CD34: variants seen among roughly 807,000 people sequenced by gnomAD.
CD34 encodes hematopoietic progenitor cell antigen CD34.
Under a neutral mutation model 40.1 loss-of-function variants are expected in CD34, and 34 were observed. The observed-to-expected ratio is 0.85, with a 90% CI of 0.65 to 1.13. The LOEUF is 1.13. Among genes scored for constraint, CD34 ranks in the 50% most tolerant of loss-of-function variants. The probability of loss-of-function intolerance (pLI) is 0.00; values close to 1 mark genes in which losing one functional copy is unlikely to be tolerated. For synonymous variants in CD34, 209 were observed against 190.0 expected (o/e 1.10, Z -0.82); for missense variants, 426 against 466.9 (o/e 0.91, Z 0.81).
chr1:207,890,082 T>G, intron 4 of CD34: 1 of 1,242,574 alleles, frequency 8.0e-7, no homozygotes, highest in Non-Finnish European at 1.0e-6. Context: ...AGTGGAAACC[T>G]CAGTGGCCTC....
chr1:207,907,896 G>A (rs1662415351), intron 1 of CD34, among the ~76,000 whole-genome samples: 1 of 152,160 alleles, frequency 6.6e-6, no homozygotes, highest in Non-Finnish European at 1.5e-5. Context: ...GGGTGGTGTT[G>A]TGTTCTTTTT....
rs368736831 is a variant in CD34, at chr1:207,887,895, C to T, written c.1001G>A (p.Gly334Asp). 3.1e-6 allele frequency: 5 copies of T among 1,614,128 alleles called. No homozygotes were observed. Among genetic ancestry groups the T allele is most frequent in the African/African-American group, 2.7e-5 (2 of 75,016 alleles). The part of the protein sequence containing the change: ...LGEDPYYTEN[G>D]GGQGYSSGPG... ...TCCTGAGCTATAGCCCTGGCCTCCA[C>T]CGTTTTCCGTGTAATAAGGGTCTTC... The change falls in exon 8 of 8, where the codon GGT (glycine) becomes GAT (aspartate). Residue 334 changes from glycine to aspartate, a missense_variant. Physicochemically the swap from Gly to Asp is moderately conservative, Grantham distance 94. Coordinates refer to ENST00000310833, the MANE Select transcript of CD34 (RefSeq NM_001025109.2).
Position 207,903,364 on chromosome 1 carries a change from C to T in CD34, c.80-3361G>A, listed in dbSNP as rs573689109. 2.0e-5 allele frequency among the ~76,000 whole-genome samples: 3 copies of T among 152,272 alleles called. No homozygotes were observed. In the East Asian group the frequency reaches 5.8e-4, roughly 29 times the overall value. ...CCAGTCAGTGAGAGCTTGTCACATC[C>T]TAAGAGACAATTGATGAAACCTCCA... On this transcript the variant is annotated intron_variant, in intron 1 of 7. Transcript: ENST00000310833.
intron 1 of CD34, among the ~76,000 whole-genome samples, chr1:207,909,427 GAGA>G (rs1415758146): frequency 7.2e-5 from 11 of 152,116 alleles, no homozygotes; most frequent in South Asian, 2.1e-4. Flanking sequence ...TGTTTGTTTT[GAGA>G]AGGAGTCTCG....
In CD34 at chr1:207,882,881, C is replaced by T. The variant is rs1171763664; in HGVS notation, c.*4857G>A. The T allele has an allele frequency of 6.6e-6, 1 of 152,294 alleles. No individual in the cohort carries two copies. Among genetic ancestry groups the T allele is most frequent in the Middle Eastern group, 3.4e-3 (1 of 296 alleles). 9.4% of individuals were successfully genotyped at this position (152,294 alleles called of 1,614,324 possible). A position where few individuals can be genotyped will look rare whatever the true frequency, so the allele number is the denominator to read the frequency against. On this transcript the variant is annotated 3_prime_UTR_variant, in exon 8 of 8. Coordinates refer to ENST00000310833, the MANE Select transcript of CD34 (RefSeq NM_001025109.2). Reference sequence around the variant, plus strand: ...GCTTCCATGCCCCTCCCACTCAGAGCTTCCTATACCATAGCACTTACACTC... The same window carrying T: ...GCTTCCATGCCCCTCCCACTCAGAGTTTCCTATACCATAGCACTTACACTC...
rs138325853 is a variant in CD34 at position 207,909,556 on chromosome 1, G to A, written c.79+1446C>T. 2.8e-4 allele frequency among the ~76,000 whole-genome samples: 43 copies of A among 152,210 alleles called. 1 individual carries two copies. The East Asian group carries it at 8.1e-3, about 29-fold the overall frequency. ...CCCGAGTAGCTGGGACTATAGGGGT[G>A]TGCCACCATGCCCAGCTAATTTTTG... On this transcript the variant is annotated intron_variant, in intron 1 of 7. Transcript: ENST00000310833.
chr1:207,888,678 T>C lies in CD34; in HGVS notation c.972+4A>G, dbSNP rs755942827. 6.2e-7 allele frequency: 1 copy of C among 1,614,058 alleles called. No homozygotes were observed. The highest frequency in any genetic ancestry group is 8.5e-7 in the Non-Finnish European group (1 of 1,180,010). On this transcript the variant is annotated splice_donor_region_variant and intron_variant, in intron 7 of 7. Transcript: ENST00000310833. ...TTTCCTTTACCCTGGCCCCCAGAAC[T>C]GACCAGCCTTTCTCCTGTGGGGCTC... is the stretch of plus-strand genomic sequence containing the variant.
chr1:207,895,803 G>A (rs1433490656), intron 4 of CD34, among the ~76,000 whole-genome samples: 2 of 152,142 alleles, frequency 1.3e-5, no homozygotes, highest in African/African-American at 4.8e-5. Flanking sequence ...GGGTTGCAGG[G>A]GGAAAGATCG....
At position 207,884,653 on chromosome 1, in the gene CD34, G is replaced by A. The variant is rs1221716119; in HGVS notation, c.*3085C>T. The A allele has an allele frequency of 6.6e-6, 1 of 152,280 alleles. No individual in the cohort carries two copies. The highest frequency in any genetic ancestry group is 2.4e-5 in the African/African-American group (1 of 41,460). 9.4% of individuals were successfully genotyped at this position (152,280 alleles called of 1,614,324 possible). Reference sequence around the variant, plus strand: ...GAAGTGATCTATTTATCTGGACTTAGATGGTATTCCCATTTATCCATTCAG... The same window carrying A: ...GAAGTGATCTATTTATCTGGACTTAAATGGTATTCCCATTTATCCATTCAG... On this transcript the variant is annotated 3_prime_UTR_variant, in exon 8 of 8. Transcript: ENST00000310833.
Position 207,911,124 on chromosome 1 carries a change from C to T in CD34, c.-44G>A. 4 of 1,523,344 alleles carry T rather than the reference C, an allele frequency of 2.6e-6. No homozygotes were observed. The highest frequency in any genetic ancestry group is 3.5e-6 in the Non-Finnish European group (4 of 1,134,796). 94.4% of individuals were successfully genotyped at this position (1,523,344 alleles called of 1,614,324 possible). On this transcript the variant is annotated 5_prime_UTR_variant, in exon 1 of 8. The change creates a new upstream start codon in the 5' untranslated region. Coordinates refer to ENST00000310833, the MANE Select transcript of CD34 (RefSeq NM_001025109.2). ...AGAGAGACGCACCGAGTGGAAGACA[C>T]TACTCGGCTTGGCCAGGACGCGCTC...
rs1661928940 is a variant in CD34 at position 207,887,657 on chromosome 1, C to A, written c.*81G>T. On this transcript the variant is annotated 3_prime_UTR_variant, in exon 8 of 8. Transcript: ENST00000310833. ...GGGTTGGGCGTAAGAGATGTCACCTCCAGCATGGGGGTAGCACGTGGTCAG... is the reference window on the plus strand; with the variant it reads ...GGGTTGGGCGTAAGAGATGTCACCTACAGCATGGGGGTAGCACGTGGTCAG... 3.8e-6 allele frequency: 6 copies of A among 1,578,372 alleles called. No individual in the cohort carries two copies. The highest frequency in any genetic ancestry group is 1.7e-5 in the Admixed American group (1 of 58,390).
chr1:207,897,242 A>G (rs1027697820), intron 4 of CD34, among the ~76,000 whole-genome samples: 2 of 152,144 alleles, frequency 1.3e-5, no homozygotes, highest in African/African-American at 4.8e-5. Flanking sequence ...GGAGGGGGAA[A>G]AAGTACTATA....
chr1:207,896,599 T>C (rs915831449), intron 4 of CD34, among the ~76,000 whole-genome samples: 2 of 152,262 alleles, frequency 1.3e-5, no homozygotes, highest in South Asian at 2.1e-4. Context: ...GGGAGATCTA[T>C]GTGACAAATA....
intron 1 of CD34, among the ~76,000 whole-genome samples, chr1:207,905,775 T>C (rs1571779351): frequency 6.6e-6 from 1 of 152,328 alleles, no homozygotes; most frequent in East Asian, 1.9e-4. Flanking sequence ...GTCAACACTT[T>C]GTTTCATCCA....
At chr1:207,904,957 T>C (rs113832832) in intron 1 of CD34, among the ~76,000 whole-genome samples, 2,629 of 152,228 alleles carry the variant, frequency 0.017, 44 homozygotes, top group Middle Eastern at 0.027. Context: ...ATTAATTAAA[T>C]TGGGGAGTGT....
Position 207,911,118 on chromosome 1 carries a change from A to C in CD34, c.-38T>G. The C allele has an allele frequency of 6.5e-7, 1 of 1,537,196 alleles. No homozygotes were observed. Among genetic ancestry groups the C allele is most frequent in the Non-Finnish European group, 8.8e-7 (1 of 1,142,210 alleles). ...GCTCCTAGAGAGACGCACCGAGTGG[A>C]AGACACTACTCGGCTTGGCCAGGAC... On this transcript the variant is annotated 5_prime_UTR_variant, in exon 1 of 8. Transcript: ENST00000310833.
rs113783511 is a variant in CD34 at position 207,902,242 on chromosome 1, A to G, written c.80-2239T>C. 6.3e-4 allele frequency among the ~76,000 whole-genome samples: 96 copies of G among 152,338 alleles called. 1 individual carries two copies. The highest frequency in any genetic ancestry group is 1.9e-3 in the African/African-American group (79 of 41,574). ...CAAGGTGCTGCCCAAAAGGAAGGCCATAGTTCATGAAGGGAAGCAGCAATG... is the reference window on the plus strand; with the variant it reads ...CAAGGTGCTGCCCAAAAGGAAGGCCGTAGTTCATGAAGGGAAGCAGCAATG... On this transcript the variant is annotated intron_variant, in intron 1 of 7. Coordinates refer to ENST00000310833, the MANE Select transcript of CD34 (RefSeq NM_001025109.2).
chr1:207,906,118 T>C (rs1311075511), intron 1 of CD34, among the ~76,000 whole-genome samples: 1 of 152,102 alleles, frequency 6.6e-6, no homozygotes, highest in Non-Finnish European at 1.5e-5. Context: ...TTTAAATCAA[T>C]CCCTCAAGGA....
chr1:207,902,095 G>A (rs1441878862), intron 1 of CD34, among the ~76,000 whole-genome samples: 1 of 152,176 alleles, frequency 6.6e-6, no homozygotes, highest in Non-Finnish European at 1.5e-5. Flanking sequence ...TCCACAACCT[G>A]CTGCAAGCAG....
Sources: gnomAD v4.1 joint callset for allele counts (sites outside exome capture counted in the v4.1 genomes callset) on GRCh38, gnomAD v4.1.1 for gene constraint, MANE v1.5 for transcripts, NCBI Gene and HGNC (gene_info 2026-07-23, HGNC 2026-07-21) for gene names.